Variants in RBFOX1 observed in about 807,000 individuals in gnomAD.
The protein encoded by RBFOX1 is RNA binding fox-1 homolog 1, also known as RNA binding protein fox-1 homolog 1.
Under a neutral mutation model 57.7 loss-of-function variants are expected in RBFOX1, and 8 were observed. The observed-to-expected ratio is 0.14, with a 90% CI of 0.08 to 0.25. The LOEUF (loss-of-function observed/expected upper bound fraction) is 0.25, where lower values mean the gene tolerates loss of function less well. Among genes scored for constraint, RBFOX1 ranks in the 10% least tolerant of loss-of-function variants. RBFOX1 has a pLI of 1.00. For missense variants in RBFOX1, 611 were observed against 548.5 expected, an observed-to-expected ratio of 1.11 and a Z score of -1.14; for synonymous variants, 326 against 222.4, an observed-to-expected ratio of 1.47 and a Z score of -4.15.
intron 3 of RBFOX1, among the ~76,000 whole-genome samples, chr16:6,659,519 C>T (rs1455618760): frequency 1.3e-5 from 2 of 152,076 alleles, no homozygotes; most frequent in East Asian, 1.9e-4. Context: ...GTGGAAGTAC[C>T]ATCATTTTCC....
intron 1 of RBFOX1, among the ~76,000 whole-genome samples, chr16:5,430,723 A>G (rs1021985549): frequency 2.5e-4 from 38 of 152,238 alleles, no homozygotes; most frequent in African/African-American, 8.9e-4. Context: ...TGCTGCGCCA[A>G]AATGATCAGA....
intron 1 of RBFOX1, among the ~76,000 whole-genome samples, chr16:5,379,849 A>G (rs1280982638): frequency 2.0e-5 from 3 of 152,198 alleles, no homozygotes; most frequent in East Asian, 1.9e-4. Flanking sequence ...TACCCAAGTC[A>G]TTAAACATCT....
Position 6,157,244 on chromosome 16 carries a change from T to C in RBFOX1, c.-127+137252T>C, listed in dbSNP as rs141884513. On this transcript the variant is annotated intron_variant, in intron 1 of 15. Coordinates refer to ENST00000550418, the MANE Select transcript of RBFOX1 (RefSeq NM_018723.4). ...AAAAGAGACATAAATGTAGAGGTGATGATACAACTTTCAGTGTACACAGCA... is the reference window on the plus strand; with the variant it reads ...AAAAGAGACATAAATGTAGAGGTGACGATACAACTTTCAGTGTACACAGCA... Among the ~76,000 whole-genome samples the C allele has an allele frequency of 1.1e-4, 17 of 152,310 alleles. No individual in the cohort carries two copies. In the East Asian group the frequency reaches 3.1e-3, roughly 28 times the overall value.
chr16:7,168,512 A>C (rs1288631933), intron 4 of RBFOX1, among the ~76,000 whole-genome samples: 1 of 152,224 alleles, frequency 6.6e-6, no homozygotes, highest in Non-Finnish European at 1.5e-5. Flanking sequence ...CATTTGGCTC[A>C]TACTGGTACA....
intron 4 of RBFOX1, among the ~76,000 whole-genome samples, chr16:7,353,346 G>A (rs2097160746): frequency 6.6e-6 from 1 of 152,166 alleles, no homozygotes; most frequent in Admixed American, 6.5e-5. Context: ...AAATTGGAAT[G>A]CACATACATT....
chr16:6,712,736 A>C (rs1247605623), intron 3 of RBFOX1, among the ~76,000 whole-genome samples: 2 of 151,880 alleles, frequency 1.3e-5, no homozygotes, highest in Non-Finnish European at 2.9e-5. Flanking sequence ...CCCTCCTATC[A>C]CCTGGCAGCT....
intron 5 of RBFOX1, among the ~76,000 whole-genome samples, chr16:7,546,415 G>A (rs763610388): frequency 1.6e-4 from 25 of 152,114 alleles, no homozygotes; most frequent in Non-Finnish European, 3.2e-4. Flanking sequence ...TGTGTCAGCT[G>A]TTGCAGATCA....
At chr16:5,522,539 T>C in intron 2 of RBFOX1, among the ~76,000 whole-genome samples, 1 of 152,232 alleles carries the variant, frequency 6.6e-6, no homozygotes, top group East Asian at 1.9e-4. Flanking sequence ...TTTCGATGTG[T>C]TGGAAAATGT....
chr16:7,198,206 C>G (rs553292600), intron 4 of RBFOX1, among the ~76,000 whole-genome samples: 1 of 151,862 alleles, frequency 6.6e-6, no homozygotes, highest in Non-Finnish European at 1.5e-5. Flanking sequence ...GGGGTTTCAC[C>G]GTGTTAGCCA....
intron 3 of RBFOX1, among the ~76,000 whole-genome samples, chr16:5,786,204 G>A (rs2054495131): frequency 6.6e-6 from 1 of 152,164 alleles, no homozygotes; most frequent in African/African-American, 2.4e-5. Context: ...AATGAAGTAT[G>A]CATAGTCTTT....
At chr16:7,056,535 C>G (rs76507723) in intron 4 of RBFOX1, among the ~76,000 whole-genome samples, 6,855 of 152,184 alleles carry the variant, frequency 0.045, 310 homozygotes, top group East Asian at 0.21. Context: ...ATTTACCTCT[C>G]CAGCATCTGC....
At chr16:6,816,136 C>T (rs773421198) in intron 3 of RBFOX1, among the ~76,000 whole-genome samples, 6 of 152,046 alleles carry the variant, frequency 3.9e-5, no homozygotes, top group African/African-American at 7.2e-5. Context: ...GAGGAGACCC[C>T]GTCTCTACAA....
Position 7,085,965 on chromosome 16 carries a change from C to T in RBFOX1, c.27+33867C>T, listed in dbSNP as rs148954629. Among the ~76,000 whole-genome samples, 696 of 152,228 alleles carry T rather than the reference C, an allele frequency of 4.6e-3. 4 individuals carry two copies. Among genetic ancestry groups the T allele is most frequent in the African/African-American group, 0.016 (649 of 41,536 alleles). ...TCTAAAATGTACTAAGCAGATTGGTCAGTGTATGTGCCTGATTGAGAACTT... is the reference window on the plus strand; with the variant it reads ...TCTAAAATGTACTAAGCAGATTGGTTAGTGTATGTGCCTGATTGAGAACTT... On this transcript the variant is annotated intron_variant, in intron 4 of 15. Transcript: ENST00000550418.
intron 3 of RBFOX1, among the ~76,000 whole-genome samples, chr16:6,795,505 C>A (rs536398688): frequency 6.6e-6 from 1 of 152,070 alleles, no homozygotes. Context: ...CGTTGGCTCA[C>A]GTCTGTAATC....
intron 3 of RBFOX1, among the ~76,000 whole-genome samples, chr16:5,701,689 C>G (rs573254809): frequency 2.0e-5 from 3 of 152,284 alleles, no homozygotes; most frequent in South Asian, 2.1e-4. Context: ...CTGCCTTAGC[C>G]TCTCAAAATG....
intron 4 of RBFOX1, among the ~76,000 whole-genome samples, chr16:7,097,509 A>T (rs1381767409): frequency 6.6e-6 from 1 of 152,178 alleles, no homozygotes; most frequent in Non-Finnish European, 1.5e-5. Context: ...TTCTGTTTTA[A>T]TTGAGAAGTG....
At chr16:7,656,518 T>C (rs899514293) in intron 12 of RBFOX1, among the ~76,000 whole-genome samples, 3 of 145,256 alleles carry the variant, frequency 2.1e-5, no homozygotes, top group Middle Eastern at 3.5e-3. Context: ...GCAAGTAGCA[T>C]AGAGGTTAGA....
At position 6,738,955 on chromosome 16, in the gene RBFOX1, A is replaced by G. The variant is rs574966045; in HGVS notation, c.-16+84305A>G. Among the ~76,000 whole-genome samples the G allele has an allele frequency of 1.7e-3, 256 of 152,354 alleles. 1 individual carries two copies. The highest frequency in any genetic ancestry group is 6.0e-3 in the African/African-American group (248 of 41,574). The stretch of plus-strand genomic sequence containing the variant: ...TTGAACTTAATGAAAATAAACATAC[A>G]GTGTATCAAAATGTGTGTGTCGCAG... On this transcript the variant is annotated intron_variant, in intron 3 of 15. Coordinates refer to ENST00000550418, the MANE Select transcript of RBFOX1 (RefSeq NM_018723.4).
chr16:6,130,324 G>A (rs2096620901), intron 1 of RBFOX1, among the ~76,000 whole-genome samples: 1 of 151,968 alleles, frequency 6.6e-6, no homozygotes, highest in Non-Finnish European at 1.5e-5. Context: ...CACATAATAT[G>A]AACTGTAAAA....
Sources: gnomAD v4.1 joint callset for allele counts (sites outside exome capture counted in the v4.1 genomes callset) on GRCh38, gnomAD v4.1.1 for gene constraint, MANE v1.5 for transcripts, NCBI Gene and HGNC (gene_info 2026-07-23, HGNC 2026-07-21) for gene names.